RNF216: variants seen among roughly 807,000 people sequenced by gnomAD.
RNF216 encodes the protein E3 ubiquitin-protein ligase RNF216.
Under a neutral mutation model 110.8 loss-of-function variants are expected in RNF216, and 72 were observed. The ratio of observed to expected loss-of-function variants is 0.65; its 90% CI spans 0.54 to 0.79. The LOEUF (loss-of-function observed/expected upper bound fraction) is 0.79, where lower values mean the gene tolerates loss of function less well. Among genes scored for constraint, RNF216 ranks in the 30% least tolerant of loss-of-function variants. The pLI, the probability that RNF216 is intolerant of heterozygous loss-of-function variation, is 0.00. For synonymous variants in RNF216, 495 were observed against 407.5 expected (o/e 1.21, Z -2.59); for missense variants, 1,342 against 1,141.2 (o/e 1.18, Z -2.54).
intron 13 of RNF216, among the ~76,000 whole-genome samples, chr7:5,699,010 C>G (rs1791805146): frequency 6.6e-6 from 1 of 152,318 alleles, no homozygotes; most frequent in South Asian, 2.1e-4. Context: ...AAAGCTAACA[C>G]TGAAGACAGC....
At chr7:5,644,670 A>G (rs1042291870) in intron 14 of RNF216, among the ~76,000 whole-genome samples, 3 of 151,594 alleles carry the variant, frequency 2.0e-5, no homozygotes, top group African/African-American at 7.3e-5. Context: ...ATGCCCAGTT[A>G]ATTTTTAAAT....
At chr7:5,770,263 A>T (rs1484346816) in intron 1 of RNF216, among the ~76,000 whole-genome samples, 1 of 151,940 alleles carries the variant, frequency 6.6e-6, no homozygotes, top group African/African-American at 2.4e-5. Context: ...GGAGTTTGAG[A>T]CCAGCCTGAC....
At chr7:5,764,637 G>A (rs1796106252) in intron 1 of RNF216, among the ~76,000 whole-genome samples, 1 of 129,054 alleles carries the variant, frequency 7.7e-6, no homozygotes, top group Non-Finnish European at 1.7e-5. Flanking sequence ...AACAGAGCAA[G>A]ACACCGTCTC....
chr7:5,761,215 T>C lies in RNF216; in HGVS notation c.-69-77A>G, dbSNP rs1584595248. The C allele has an allele frequency of 9.4e-6, 5 of 534,558 alleles. No individual in the cohort carries two copies. In the African/African-American group the frequency reaches 1.0e-4, roughly 11 times the overall value. 33.1% of individuals were successfully genotyped at this position (534,558 alleles called of 1,614,324 possible). A position where few individuals can be genotyped will look rare whatever the true frequency, so the allele number is the denominator to read the frequency against. On this transcript the variant is annotated intron_variant, in intron 1 of 16. Coordinates refer to ENST00000389902, the MANE Select transcript of RNF216 (RefSeq NM_207111.4). ...TGCCATGTATCTGGTCAGGGGAACA[T>C]CTGAAGCTTATGCTGAAAACATTCC...
intron 15 of RNF216, among the ~76,000 whole-genome samples, chr7:5,630,473 G>A (rs1787001546): frequency 6.6e-6 from 1 of 152,076 alleles, no homozygotes; most frequent in Non-Finnish European, 1.5e-5. Context: ...GAACTCCTGG[G>A]CTCAAGTGAT....
At chr7:5,736,313 G>C (rs1356387476) in intron 5 of RNF216, among the ~76,000 whole-genome samples, 1 of 152,194 alleles carries the variant, frequency 6.6e-6, no homozygotes, top group Non-Finnish European at 1.5e-5. Flanking sequence ...GTGGAGATGG[G>C]GTTTCGCTGT....
At position 5,696,142 on chromosome 7, in the gene RNF216, C is replaced by G. The variant is rs918931695; in HGVS notation, c.2061+15619G>C. 5.3e-5 allele frequency among the ~76,000 whole-genome samples: 8 copies of G among 152,182 alleles called. No homozygotes were observed. The highest frequency in any genetic ancestry group is 1.9e-4 in the African/African-American group (8 of 41,448). ...CAAATCCAGCCCAAGGGGAAACACA[C>G]TGACATCCACAGTCCATGTGGTGAC... On this transcript the variant is annotated intron_variant, in intron 13 of 16. Coordinates refer to ENST00000389902, the MANE Select transcript of RNF216 (RefSeq NM_207111.4). This position sits in a 1 kb window ranked among gnomAD's most constrained non-coding sequence, Gnocchi z 5.4.
At chr7:5,750,742 A>G (rs1336514838) in intron 3 of RNF216, among the ~76,000 whole-genome samples, 1 of 152,178 alleles carries the variant, frequency 6.6e-6, no homozygotes, top group Non-Finnish European at 1.5e-5. Flanking sequence ...TAAATGTGAG[A>G]CTCTTACTCT....
intron 1 of RNF216, among the ~76,000 whole-genome samples, chr7:5,779,541 C>A (rs187899834): frequency 6.6e-6 from 1 of 151,648 alleles, no homozygotes; most frequent in Non-Finnish European, 1.5e-5. Flanking sequence ...CCCTTCTCAG[C>A]GCGTAAAGAA....
intron 15 of RNF216, among the ~76,000 whole-genome samples, chr7:5,636,940 C>A (rs1787432114): frequency 6.6e-6 from 1 of 152,158 alleles, no homozygotes; most frequent in Admixed American, 6.6e-5. Context: ...CGGGAGGAGG[C>A]AGCAGAAGAC....
intron 3 of RNF216, among the ~76,000 whole-genome samples, chr7:5,745,611 CAACA>C (rs1794989875): frequency 6.6e-6 from 1 of 151,942 alleles, no homozygotes; most frequent in Non-Finnish European, 1.5e-5. Flanking sequence ...ATGTAAAAAG[CAACA>C]AGGGCAGGGC....
intron 1 of RNF216, among the ~76,000 whole-genome samples, chr7:5,765,535 C>G (rs531469653): frequency 2.6e-4 from 39 of 152,042 alleles, no homozygotes; most frequent in Admixed American, 1.8e-3. Flanking sequence ...GAAGCTGAAG[C>G]AGGAGGACTG....
At chr7:5,761,727 A>G (rs2128671476) in intron 1 of RNF216, among the ~76,000 whole-genome samples, 1 of 152,026 alleles carries the variant, frequency 6.6e-6, no homozygotes, top group South Asian at 2.1e-4. Flanking sequence ...CTGAAGTTGC[A>G]GTGAGCCAAG....
chr7:5,719,976 T>C (rs934254914), intron 9 of RNF216, among the ~76,000 whole-genome samples: 1 of 152,224 alleles, frequency 6.6e-6, no homozygotes, highest in Non-Finnish European at 1.5e-5. Flanking sequence ...CGGTCAAAAC[T>C]TGGTAAAGTA....
At chr7:5,631,467 T>C (rs1467344076) in intron 15 of RNF216, among the ~76,000 whole-genome samples, 1 of 152,194 alleles carries the variant, frequency 6.6e-6, no homozygotes, top group African/African-American at 2.4e-5. Flanking sequence ...TGGTCTCCAG[T>C]GGCCTCTGAC....
At chr7:5,635,402 C>T (rs1442190166) in intron 15 of RNF216, among the ~76,000 whole-genome samples, 1 of 151,722 alleles carries the variant, frequency 6.6e-6, no homozygotes, top group African/African-American at 2.4e-5. Context: ...GCTCACTTTA[C>T]TCTTTTGTAG....
intron 14 of RNF216, among the ~76,000 whole-genome samples, chr7:5,651,655 T>C (rs1010189489): frequency 5.6e-5 from 8 of 142,136 alleles, no homozygotes; most frequent in Non-Finnish European, 1.2e-4. Flanking sequence ...ATTCTTTTTT[T>C]CTTTTTTTTT....
At chr7:5,677,384 C>T (rs1021294383) in intron 13 of RNF216, among the ~76,000 whole-genome samples, 28 of 152,222 alleles carry the variant, frequency 1.8e-4, no homozygotes, top group African/African-American at 6.5e-4. Flanking sequence ...GACTACTAAT[C>T]ACAGAACCAT....
At chr7:5,645,050 C>T (rs1041249277) in intron 14 of RNF216, among the ~76,000 whole-genome samples, 9 of 151,924 alleles carry the variant, frequency 5.9e-5, no homozygotes, top group South Asian at 2.1e-4. Context: ...CTCCTGATCT[C>T]GTGATCCACC....
Sources: allele counts gnomAD v4.1 joint callset (sites outside exome capture counted in the v4.1 genomes callset), GRCh38; gene constraint gnomAD v4.1.1; non-coding constraint Gnocchi (gnomAD v3.1); transcripts MANE v1.5; gene names NCBI Gene and HGNC (gene_info 2026-07-23, HGNC 2026-07-21).